The following ATRNL1 variants were observed in gnomAD, a reference collection of about 807,000 sequenced individuals.
ATRNL1 encodes attractin like 1.
A neutral mutation model predicts 182.7 loss-of-function variants in ATRNL1; 95 were observed. The observed-to-expected ratio is 0.52, with a 90% CI of 0.44 to 0.62. ATRNL1 has a LOEUF of 0.62. ATRNL1 is among the 20% of genes least tolerant of loss of function. The pLI, the probability that ATRNL1 is intolerant of heterozygous loss-of-function variation, is 0.00. For synonymous variants in ATRNL1, 576 were observed against 568.3 expected, an observed-to-expected ratio of 1.01 and a Z score of -0.19; for missense variants, 1,471 against 1,679.5, an observed-to-expected ratio of 0.88 and a Z score of 2.17.
At chr10:115,927,033 C>T (rs1555120498) in intron 28 of ATRNL1, among the ~76,000 whole-genome samples, 1 of 152,066 alleles carries the variant, frequency 6.6e-6, no homozygotes, top group East Asian at 1.9e-4. Context: ...TACTGGCACA[C>T]CAAATCCAGC....
At chr10:115,207,811 G>A (rs1848859634) in intron 8 of ATRNL1, among the ~76,000 whole-genome samples, 2 of 151,388 alleles carry the variant, frequency 1.3e-5, no homozygotes, top group Admixed American at 6.6e-5. Flanking sequence ...TGAAATTCTT[G>A]GTGTGAGCTT....
chr10:115,458,486 T>C (rs1353163665), intron 21 of ATRNL1, among the ~76,000 whole-genome samples: 2 of 152,130 alleles, frequency 1.3e-5, no homozygotes, highest in Non-Finnish European at 2.9e-5. Context: ...TTAGCCTGAT[T>C]GACATTAGGA....
intron 27 of ATRNL1, among the ~76,000 whole-genome samples, chr10:115,728,816 T>G (rs1947696757): frequency 1.3e-5 from 2 of 152,184 alleles, no homozygotes; most frequent in African/African-American, 4.8e-5. Context: ...TGTGTATATC[T>G]TCTATTTGTT....
At chr10:115,711,087 C>T (rs1947050100) in intron 26 of ATRNL1, among the ~76,000 whole-genome samples, 1 of 152,004 alleles carries the variant, frequency 6.6e-6, no homozygotes, top group South Asian at 2.1e-4. Context: ...TTTTCTTTCT[C>T]TGGGTTCTAA....
At chr10:115,298,381 C>T (rs998846270) in intron 15 of ATRNL1, among the ~76,000 whole-genome samples, 2 of 152,064 alleles carry the variant, frequency 1.3e-5, no homozygotes, top group African/African-American at 4.8e-5. Flanking sequence ...GTAATAGTTA[C>T]TTTAAATGTT....
chr10:115,767,021 A>G (rs1948872619), intron 27 of ATRNL1, among the ~76,000 whole-genome samples: 1 of 152,180 alleles, frequency 6.6e-6, no homozygotes, highest in Non-Finnish European at 1.5e-5. Context: ...TTTAGACTGC[A>G]AAGCCTTTCA....
At chr10:115,699,430 A>AT (rs1380060148) in intron 26 of ATRNL1, among the ~76,000 whole-genome samples, 20 of 152,212 alleles carry the variant, frequency 1.3e-4, no homozygotes, top group Non-Finnish European at 2.2e-4. Context: ...AAGAAATGTG[A>AT]TTTTTTGCGT....
intron 26 of ATRNL1, among the ~76,000 whole-genome samples, chr10:115,575,923 C>A (rs575395456): frequency 1.4e-4 from 21 of 152,148 alleles, no homozygotes; most frequent in Middle Eastern, 3.4e-3. Flanking sequence ...CCCTTGAAAA[C>A]CACTGTTATT....
At position 115,286,993 on chromosome 10, in the gene ATRNL1, A is replaced by C. The variant is rs1592382813; in HGVS notation, c.2415+596A>C. Reference sequence around the variant, plus strand: ...GGAATACTATGCCATTTTATATTACATAAGGGGTATGATATTTATGGATGT... The same window carrying C: ...GGAATACTATGCCATTTTATATTACCTAAGGGGTATGATATTTATGGATGT... On this transcript the variant is annotated intron_variant, in intron 15 of 28. Coordinates refer to ENST00000355044, the MANE Select transcript of ATRNL1 (RefSeq NM_207303.4). 2.6e-5 allele frequency among the ~76,000 whole-genome samples: 4 copies of C among 152,040 alleles called. No homozygotes were observed. In the South Asian group the frequency reaches 6.2e-4, roughly 24 times the overall value.
intron 27 of ATRNL1, among the ~76,000 whole-genome samples, chr10:115,757,227 T>G (rs1948614034): frequency 6.6e-6 from 1 of 152,208 alleles, no homozygotes; most frequent in African/African-American, 2.4e-5. Flanking sequence ...ATTTTCCCCT[T>G]TAGCTGATGC....
At chr10:115,612,461 A>G (rs1207687348) in intron 26 of ATRNL1, among the ~76,000 whole-genome samples, 1 of 152,212 alleles carries the variant, frequency 6.6e-6, no homozygotes, top group Non-Finnish European at 1.5e-5. Flanking sequence ...AATCCAGGAT[A>G]TGTGGACTAT....
At chr10:115,644,130 C>G (rs985261543) in intron 26 of ATRNL1, among the ~76,000 whole-genome samples, 4 of 152,076 alleles carry the variant, frequency 2.6e-5, no homozygotes, top group African/African-American at 9.7e-5. Context: ...CTACCTGGTA[C>G]TAAAAGGAAC....
chr10:115,121,961 CTG>C (rs1194047231), intron 3 of ATRNL1, 149 bp downstream of exon 3: 1 of 408,866 alleles, frequency 2.4e-6, no homozygotes, highest in Admixed American at 4.3e-5. Flanking sequence ...TGTGCTGTAA[CTG>C]TCAATTTAGG....
At chr10:115,803,954 T>G (rs1555085050) in intron 27 of ATRNL1, among the ~76,000 whole-genome samples, 1 of 152,210 alleles carries the variant, frequency 6.6e-6, no homozygotes, top group African/African-American at 2.4e-5. Flanking sequence ...TTAGTAATTG[T>G]TATGCATTGT....
At chr10:115,243,287 T>C (rs1388620515) in intron 10 of ATRNL1, among the ~76,000 whole-genome samples, 1 of 152,100 alleles carries the variant, frequency 6.6e-6, no homozygotes, top group Non-Finnish European at 1.5e-5. Flanking sequence ...TTGAAGATTA[T>C]GATATATCAA....
intron 27 of ATRNL1, among the ~76,000 whole-genome samples, chr10:115,840,179 C>T (rs1228482892): frequency 3.3e-5 from 5 of 152,170 alleles, no homozygotes; most frequent in Admixed American, 6.5e-5. Context: ...GCAGGCTTTC[C>T]GGGGCAGTGT....
chr10:115,411,580 T>G (rs1319954028), intron 20 of ATRNL1, among the ~76,000 whole-genome samples: 2 of 125,530 alleles, frequency 1.6e-5, no homozygotes, highest in Non-Finnish European at 3.3e-5. Context: ...CATTTTTAAT[T>G]AAGCCATTAC....
intron 26 of ATRNL1, among the ~76,000 whole-genome samples, chr10:115,606,591 G>T (rs1308804258): frequency 6.6e-6 from 1 of 151,990 alleles, no homozygotes; most frequent in Non-Finnish European, 1.5e-5. Context: ...TTCTGTGCTT[G>T]CAATTATTAT....
chr10:115,629,082 A>C (rs531502035), intron 26 of ATRNL1, among the ~76,000 whole-genome samples: 63 of 152,182 alleles, frequency 4.1e-4, no homozygotes, highest in African/African-American at 1.4e-3. Flanking sequence ...TTCTTTACAA[A>C]TATTTCAAAG....
Sources: allele counts gnomAD v4.1 joint callset (sites outside exome capture counted in the v4.1 genomes callset), GRCh38; gene constraint gnomAD v4.1.1; transcripts MANE v1.5; gene names NCBI Gene and HGNC (gene_info 2026-07-23, HGNC 2026-07-21).